TRMT44: variants seen among roughly 807,000 people sequenced by gnomAD.
TRMT44 encodes the protein tRNA methyltransferase 44 homolog.
A neutral mutation model predicts 77.3 loss-of-function variants in TRMT44; 78 were observed. That is an observed-to-expected ratio of 1.01 (90% confidence interval 0.84 to 1.22). TRMT44 has a LOEUF of 1.22. TRMT44 is among the 50% of genes most tolerant of loss of function. TRMT44 has a pLI of 0.00. For missense variants in TRMT44, 1,090 were observed against 964.4 expected (o/e 1.13, Z -1.73); for synonymous variants, 391 against 383.3 (o/e 1.02, Z -0.23).
chr4:8,447,857 A>T (rs763245454), intron 2 of TRMT44, among the ~76,000 whole-genome samples: 1 of 152,208 alleles, frequency 6.6e-6, no homozygotes, highest in East Asian at 1.9e-4. Context: ...GTGCTCGGCG[A>T]TGCTGAACTG....
intron 6 of TRMT44, among the ~76,000 whole-genome samples, chr4:8,457,345 G>A (rs1344634612): frequency 6.6e-6 from 1 of 152,176 alleles, no homozygotes; most frequent in Non-Finnish European, 1.5e-5. Context: ...GAACTCTAGT[G>A]TTGTTTCATC....
rs560746849 is a variant in TRMT44, at chr4:8,447,905, G to A, written c.734+1315G>A. On this transcript the variant is annotated intron_variant, in intron 2 of 10. Coordinates refer to ENST00000389737, the MANE Select transcript of TRMT44 (RefSeq NM_152544.3). ...CCAGAAAGTGGTGCCTGTCTTGGGG[G>A]CAGTGGGCACCTGGTGCAGGGCGGG... Among the ~76,000 whole-genome samples, 7 of 152,348 alleles carry A rather than the reference G, an allele frequency of 4.6e-5. No individual in the cohort carries two copies. In the East Asian group the frequency reaches 1.4e-3, roughly 29 times the overall value.
intron 2 of TRMT44, among the ~76,000 whole-genome samples, chr4:8,490,920 G>C (rs1200187177): frequency 6.6e-6 from 1 of 152,162 alleles, no homozygotes. Context: ...CATCAGATTA[G>C]TTAGATACAG....
chr4:8,467,324 C>T (rs755524371), intron 8 of TRMT44, among the ~76,000 whole-genome samples: 15 of 152,120 alleles, frequency 9.9e-5, no homozygotes, highest in South Asian at 6.2e-4. Flanking sequence ...GTGCGGCTGC[C>T]GGGCCCAGGA....
the TRMT44 span, among the ~76,000 whole-genome samples, chr4:8,498,812 G>A: frequency 3.3e-5 from 5 of 152,172 alleles, no homozygotes; most frequent in Admixed American, 3.3e-4. This position sits in a 1 kb window ranked among gnomAD's most constrained non-coding sequence, Gnocchi z 4.3. Context: ...TGTGTTCTGG[G>A]TGGGGAGTCA....
At chr4:8,470,236 C>T (rs1344840477) in intron 9 of TRMT44, among the ~76,000 whole-genome samples, 2 of 152,156 alleles carry the variant, frequency 1.3e-5, no homozygotes, top group Non-Finnish European at 2.9e-5. Context: ...GCTGGGTGGG[C>T]AGGATTCTCG....
At chr4:8,454,560 C>A (rs1220914930) in intron 5 of TRMT44, 182 bp from the exon 6 acceptor site, 3 of 604,730 alleles carry the variant, frequency 5.0e-6, no homozygotes, top group Non-Finnish European at 8.8e-6. Flanking sequence ...AGCTGGCCAT[C>A]GTATCACAGG....
At chr4:8,462,097 T>C (rs1342379657) in intron 6 of TRMT44, among the ~76,000 whole-genome samples, 2 of 152,210 alleles carry the variant, frequency 1.3e-5, no homozygotes, top group Non-Finnish European at 2.9e-5. Context: ...TGGAATTTGC[T>C]GTGTTCAAAA....
At position 8,449,845 on chromosome 4, in the gene TRMT44, A is replaced by G; in HGVS notation, c.911A>G (p.Lys304Arg). The change falls in exon 3 of 11, where the codon AAG becomes AGG. Residue 304 changes from lysine (K) to arginine (R), a missense_variant. By Grantham distance (26) the Lys-to-Arg change is conservative. Transcript: ENST00000389737. The stretch of plus-strand genomic sequence containing the variant: ...CTCATCTCCATTATGAAGTATAGCA[A>G]GGCTTACCAGGAACTTAAAGAGAAG... ...LSLISIMKYS[K>R]AYQELKEKYK... 1 of 1,535,456 alleles carries G rather than the reference A, an allele frequency of 6.5e-7. No individual in the cohort carries two copies. Among genetic ancestry groups the G allele is most frequent in the Non-Finnish European group, 8.7e-7 (1 of 1,146,590 alleles).
chr4:8,506,259 G>A, the TRMT44 span, among the ~76,000 whole-genome samples: 174 of 152,336 alleles, frequency 1.1e-3, 3 homozygotes, highest in African/African-American at 4.0e-3. Context: ...GCTGCTGAGG[G>A]GCTGTGCCCT....
rs1725416449 is a variant in TRMT44 at position 8,451,031 on chromosome 4, G to C, written c.955-929G>C. On this transcript the variant is annotated intron_variant, in intron 3 of 10. Coordinates refer to ENST00000389737, the MANE Select transcript of TRMT44 (RefSeq NM_152544.3). This position sits in a 1 kb window ranked among gnomAD's most constrained non-coding sequence, Gnocchi z 4.1. ...GTTCTGCCTGCTTTGGCCTCCTAAAGTGCTTGGATTACAGGCTTGAGCCAC... is the reference window on the plus strand; with the variant it reads ...GTTCTGCCTGCTTTGGCCTCCTAAACTGCTTGGATTACAGGCTTGAGCCAC... 6.6e-6 allele frequency among the ~76,000 whole-genome samples: 1 copy of C among 151,952 alleles called. No individual in the cohort carries two copies. Among genetic ancestry groups the C allele is most frequent in the Admixed American group, 6.6e-5 (1 of 15,252 alleles).
chr4:8,445,679 T>C (rs1725013754), intron 1 of TRMT44, among the ~76,000 whole-genome samples: 1 of 152,212 alleles, frequency 6.6e-6, no homozygotes, highest in Non-Finnish European at 1.5e-5. Flanking sequence ...TTGTTAGAGT[T>C]TTCTCGGCCC....
rs755237936 is a variant in TRMT44 at position 8,440,871 on chromosome 4, C to T, written c.49C>T (p.Pro17Ser). 1 of 1,524,268 alleles carries T rather than the reference C, an allele frequency of 6.6e-7. No individual in the cohort carries two copies. The highest frequency in any genetic ancestry group is 2.5e-5 in the East Asian group (1 of 40,108). 94.4% of individuals were successfully genotyped at this position (1,524,268 alleles called of 1,614,324 possible). A position where few individuals can be genotyped will look rare whatever the true frequency, so the allele number is the denominator to read the frequency against. ...GATCAGCTACCCAGGCGCGCTTCTCCCACAGGGCTTCTGGGCTGCGGTCGA... is the reference window on the plus strand; with the variant it reads ...GATCAGCTACCCAGGCGCGCTTCTCTCACAGGGCTTCTGGGCTGCGGTCGA... ...TGISYPGALL[P>S]QGFWAAVEVW... Residue 17 changes from proline (P) to serine (S), a missense_variant, in exon 1 of 11, where the codon CCA (proline) becomes TCA (serine). Coordinates refer to ENST00000389737, the MANE Select transcript of TRMT44 (RefSeq NM_152544.3).
rs778711332 is a variant in TRMT44, at chr4:8,441,289, G to C, written c.467G>C (p.Gly156Ala). ...WEDFSQSLAR[G>A]NSELLAFLTS... ...GATTTCTCCCAAAGTCTCGCCCGTG[G>C]CAATTCGGAGTTGCTGGCCTTCCTC... is the stretch of plus-strand genomic sequence containing the variant. Residue 156 changes from glycine to alanine, a missense_variant, in exon 1 of 11, where the codon GGC (glycine) becomes GCC (alanine). Coordinates refer to ENST00000389737, the MANE Select transcript of TRMT44 (RefSeq NM_152544.3). 129 of 1,535,388 alleles carry C rather than the reference G, an allele frequency of 8.4e-5. No individual in the cohort carries two copies. The highest frequency in any genetic ancestry group is 1.0e-4 in the Non-Finnish European group (119 of 1,146,676).
At chr4:8,453,078 A>G (rs1157844451) in intron 5 of TRMT44, 89 bp downstream of exon 5, 1 of 723,776 alleles carries the variant, frequency 1.4e-6, no homozygotes, top group African/African-American at 1.9e-5. Context: ...TTTTCTGCTG[A>G]TACAGCCTGG....
rs761525693 is a variant in TRMT44 at position 8,476,205 on chromosome 4, CT to C, written c.*205del. Reference sequence around the variant, plus strand: ...CAGTTACTCGGAAGCCCCCAGCTGACTGCCTGGCTTGTTTCAGATGCAGCCG... The same window carrying C: ...CAGTTACTCGGAAGCCCCCAGCTGACGCCTGGCTTGTTTCAGATGCAGCCG... On this transcript the variant is annotated 3_prime_UTR_variant, in exon 11 of 11. Coordinates refer to ENST00000389737, the MANE Select transcript of TRMT44 (RefSeq NM_152544.3). 2.7e-4 allele frequency: 165 copies of C among 601,200 alleles called. No homozygotes were observed. Among genetic ancestry groups the C allele is most frequent in the Middle Eastern group, 1.3e-3 (3 of 2,268 alleles). 37.2% of individuals were successfully genotyped at this position (601,200 alleles called of 1,614,324 possible).
At chr4:8,503,164 C>T in the TRMT44 span, among the ~76,000 whole-genome samples, 2 of 152,334 alleles carry the variant, frequency 1.3e-5, no homozygotes, top group South Asian at 4.1e-4. Context: ...CTGGACAATT[C>T]TCAGCCAAAG....
At chr4:8,464,819 T>G in intron 7 of TRMT44, among the ~76,000 whole-genome samples, 1 of 152,224 alleles carries the variant, frequency 6.6e-6, no homozygotes, top group Non-Finnish European at 1.5e-5. Context: ...TTGCTTTATT[T>G]CTAGAAATTA....
intron 2 of TRMT44, among the ~76,000 whole-genome samples, chr4:8,482,890 T>TG (rs978900593): frequency 1.9e-5 from 2 of 105,628 alleles, no homozygotes; most frequent in Non-Finnish European, 3.7e-5. Context: ...TGTTGAAGTG[T>TG]GGGGGCGGCA....
Sources: gnomAD v4.1 joint callset for allele counts (sites outside exome capture counted in the v4.1 genomes callset) on GRCh38, gnomAD v4.1.1 for gene constraint, Gnocchi (gnomAD v3.1) non-coding constraint, MANE v1.5 for transcripts, NCBI Gene and HGNC (gene_info 2026-07-23, HGNC 2026-07-21) for gene names.